CD1A: variants seen among roughly 807,000 people sequenced by gnomAD.
The protein encoded by CD1A is CD1a molecule, also known as T-cell surface glycoprotein CD1a.
In CD1A, 50 loss-of-function variants were observed where a neutral mutation model predicts 38.3. The ratio of observed to expected loss-of-function variants is 1.30; its 90% CI spans 1.04 to 1.65. The LOEUF is 1.65. CD1A is among the 40% of genes most tolerant of loss of function. CD1A has a pLI of 0.00. For missense variants in CD1A, 459 were observed against 406.1 expected, an observed-to-expected ratio of 1.13 and a Z score of -1.12; for synonymous variants, 160 against 150.8, an observed-to-expected ratio of 1.06 and a Z score of -0.45.
chr1:158,257,587 C>A, intron 5 of CD1A, 76 bp downstream of exon 5: 1 of 1,568,332 alleles, frequency 6.4e-7, no homozygotes, highest in Non-Finnish European at 8.8e-7. Context: ...GTTTTTCTCT[C>A]CTCAGTTCTT....
intron 1 of CD1A, 93 bp downstream of exon 1, chr1:158,254,820 T>C: frequency 1.1e-6 from 1 of 873,280 alleles, no homozygotes; most frequent in South Asian, 1.4e-5. Flanking sequence ...TGTGTGTGTG[T>C]GTGTGTGTGT....
upstream of CD1A, among the ~76,000 whole-genome samples, chr1:158,250,077 G>A (rs528763618): frequency 9.2e-5 from 14 of 152,360 alleles, no homozygotes; most frequent in African/African-American, 3.4e-4. Context: ...ACTGTGGGAT[G>A]CATGCCCCCA....
the CD1A span, chr1:158,248,454 A>C: frequency 2.0e-6 from 2 of 980,262 alleles, no homozygotes; most frequent in Non-Finnish European, 2.4e-6. Flanking sequence ...TTTGGCCTGA[A>C]CACCAATGGT....
At chr1:158,256,360 A>T (rs1650257872) in intron 3 of CD1A, 78 bp downstream of exon 3, 1 of 1,391,152 alleles carries the variant, frequency 7.2e-7, no homozygotes, top group Non-Finnish European at 9.9e-7. Flanking sequence ...AATTTAGAAT[A>T]AGGAAGAGCC....
the CD1A span, chr1:158,248,432 C>T: frequency 1.0e-6 from 1 of 984,816 alleles, no homozygotes; most frequent in East Asian, 1.1e-4. Context: ...CTACAGTGAA[C>T]AGGAACATGC....
intron 4 of CD1A, 120 bp downstream of exon 4, chr1:158,257,184 A>G: frequency 2.3e-6 from 3 of 1,297,092 alleles, no homozygotes; most frequent in South Asian, 3.1e-5. Context: ...ATAAAAATAG[A>G]TAATCTAAGA....
chr1:158,248,337 T>C, the CD1A span: 3 of 979,228 alleles, frequency 3.1e-6, no homozygotes, highest in Non-Finnish European at 3.6e-6. Context: ...GGAGCTTTCA[T>C]ATCTGGGTTC....
upstream of CD1A, among the ~76,000 whole-genome samples, chr1:158,253,136 C>CT (rs917121016): frequency 6.6e-6 from 1 of 151,350 alleles, no homozygotes; most frequent in African/African-American, 2.4e-5. Context: ...GCTTCAGATA[C>CT]TTTTTTTTTG....
upstream of CD1A, among the ~76,000 whole-genome samples, chr1:158,249,692 C>T (rs72713991): frequency 0.032 from 4,864 of 152,248 alleles, 110 homozygotes; most frequent in South Asian, 0.059. Flanking sequence ...TCTGTCTCAA[C>T]CTGTTATGGT....
In CD1A at chr1:158,256,227, C is replaced by T. The variant is rs1245271140; in HGVS notation, c.549C>T (p.Cys183=). 2 of 1,614,112 alleles carry T rather than the reference C, an allele frequency of 1.2e-6. No individual in the cohort carries two copies. The highest frequency in any genetic ancestry group is 1.1e-5 in the South Asian group (1 of 91,080). Residue 183 remains cysteine (C), a synonymous_variant, in exon 3 of 6, where the codon TGC becomes TGT. Transcript: ENST00000289429. ...CACACAATCTTCTCAGTGACACCTG[C>T]CCACGTTTCATCTTGGGTCTTCTTG... ...DITHNLLSDT[C]PRFILGLLDA... is the part of the protein sequence containing the mutation.
At chr1:158,252,124 C>T (rs1050095061), upstream of CD1A, among the ~76,000 whole-genome samples, 5 of 145,952 alleles carry the variant, frequency 3.4e-5, no homozygotes, top group African/African-American at 1.0e-4. Flanking sequence ...CCACCGCACC[C>T]GGCCACGGTT....
rs759847473 is a variant in CD1A, at chr1:158,255,170, C to T, written c.145C>T (p.Leu49=). The change falls in exon 2 of 6, where the codon CTG becomes TTG. Residue 49 remains leucine, a synonymous_variant. Transcript: ENST00000289429. The part of the protein sequence containing the change: ...SWKQNLVSGW[L]SDLQTHTWDS... ...GAAACAAAATCTGGTCTCAGGTTGGCTGAGTGATTTGCAGACTCATACCTG... is the reference window on the plus strand; with the variant it reads ...GAAACAAAATCTGGTCTCAGGTTGGTTGAGTGATTTGCAGACTCATACCTG... The T allele has an allele frequency of 3.1e-6, 5 of 1,614,138 alleles. No individual in the cohort carries two copies. Among genetic ancestry groups the T allele is most frequent in the Middle Eastern group, 1.6e-4 (1 of 6,062 alleles).
chr1:158,252,723 C>A (rs1395944589), upstream of CD1A, among the ~76,000 whole-genome samples: 1 of 151,178 alleles, frequency 6.6e-6, no homozygotes, highest in East Asian at 2.0e-4. Context: ...CATGGTGAAA[C>A]CCCATCTCTA....
rs896688800 is a variant in CD1A at position 158,257,831 on chromosome 1, T to G, written c.*141T>G. 1 of 726,732 alleles carries G rather than the reference T, an allele frequency of 1.4e-6. No individual in the cohort carries two copies. The highest frequency in any genetic ancestry group is 2.4e-6 in the Non-Finnish European group (1 of 418,122). The allele number at this position is 726,732 out of a possible 1,614,324, so 45.0% of individuals were successfully genotyped here. A position where few individuals can be genotyped will look rare whatever the true frequency, so the allele number is the denominator to read the frequency against. ...GTAAAAATTTTGTTATTTTTGCTTGTTTCTGATTAATGATTGTTTGTCAAT... is the reference window on the plus strand; with the variant it reads ...GTAAAAATTTTGTTATTTTTGCTTGGTTCTGATTAATGATTGTTTGTCAAT... On this transcript the variant is annotated 3_prime_UTR_variant, in exon 6 of 6. Transcript: ENST00000289429.
At chr1:158,256,506 A>G (rs1469948329) in intron 3 of CD1A, among the ~76,000 whole-genome samples, 1 of 152,084 alleles carries the variant, frequency 6.6e-6, no homozygotes, top group African/African-American at 2.4e-5. Flanking sequence ...AGTGTCTCTA[A>G]AAAATAAAAA....
chr1:158,256,196 A>G lies in CD1A; in HGVS notation c.518A>G (p.Asp173Gly). Residue 173 changes from aspartate (D) to glycine (G), a missense_variant, in exon 3 of 6, where the codon GAC becomes GGC. Coordinates refer to ENST00000289429, the MANE Select transcript of CD1A (RefSeq NM_001763.3). ...CTCAATCAGAATCAGCATGAAAATG[A>G]CATAACACACAATCTTCTCAGTGAC... ...KVLNQNQHEN[D>G]ITHNLLSDTC... is the part of the protein sequence containing the mutation. 6.2e-7 allele frequency: 1 copy of G among 1,614,198 alleles called. No homozygotes were observed. Among genetic ancestry groups the G allele is most frequent in the Non-Finnish European group, 8.5e-7 (1 of 1,180,014 alleles).
chr1:158,256,392 G>A, intron 3 of CD1A, 110 bp downstream of exon 3: 1 of 1,074,894 alleles, frequency 9.3e-7, no homozygotes, highest in Admixed American at 2.2e-5. Flanking sequence ...GGAAAGGCTG[G>A]GTGCAGTGCC....
At chr1:158,251,219 G>C (rs1413834103), upstream of CD1A, among the ~76,000 whole-genome samples, 2 of 152,198 alleles carry the variant, frequency 1.3e-5, no homozygotes, top group East Asian at 3.8e-4. Flanking sequence ...CGTCTTCATT[G>C]TCTTCATGTA....
the CD1A span, chr1:158,248,498 G>A: frequency 6.4e-6 from 5 of 775,314 alleles, no homozygotes; most frequent in Non-Finnish European, 7.8e-6. Context: ...AGGTTTGGTG[G>A]CAAAGGGAAG....
Sources: gnomAD v4.1 joint callset for allele counts (sites outside exome capture counted in the v4.1 genomes callset) on GRCh38, gnomAD v4.1.1 for gene constraint, MANE v1.5 for transcripts, NCBI Gene and HGNC (gene_info 2026-07-23, HGNC 2026-07-21) for gene names.